Variants in SHPK observed in about 807,000 individuals in gnomAD.
The protein encoded by SHPK is sedoheptulokinase.
In SHPK, 51 loss-of-function variants were observed where a neutral mutation model predicts 46.3. The observed-to-expected ratio is 1.10, with a 90% CI of 0.88 to 1.39. SHPK has a LOEUF of 1.39. Ranked by LOEUF, SHPK falls within the 40% of genes most tolerant of loss-of-function variation. The pLI, the probability that SHPK is intolerant of heterozygous loss-of-function variation, is 0.00. For missense variants in SHPK, 668 were observed against 641.3 expected, an observed-to-expected ratio of 1.04 and a Z score of -0.45; for synonymous variants, 290 against 273.9, an observed-to-expected ratio of 1.06 and a Z score of -0.58.
chr17:3,621,899 C>T (rs1023800744), intron 4 of SHPK, among the ~76,000 whole-genome samples: 4 of 151,754 alleles, frequency 2.6e-5, no homozygotes, highest in Non-Finnish European at 5.9e-5. Flanking sequence ...ATCGTTCACC[C>T]GCTTCAGCCT....
chr17:3,631,099 G>A (rs954319026), intron 1 of SHPK, among the ~76,000 whole-genome samples: 1 of 152,120 alleles, frequency 6.6e-6, no homozygotes, highest in Non-Finnish European at 1.5e-5. Flanking sequence ...GTCAGGGGCA[G>A]CTCTTGGCTC....
In SHPK at chr17:3,610,222, A is replaced by G; in HGVS notation, c.*338T>C. 4.3e-6 allele frequency: 1 copy of G among 232,552 alleles called. No individual in the cohort carries two copies. The highest frequency in any genetic ancestry group is 8.6e-6 in the Non-Finnish European group (1 of 116,954). 14.4% of individuals were successfully genotyped at this position (232,552 alleles called of 1,614,324 possible). A position where few individuals can be genotyped will look rare whatever the true frequency, so the allele number is the denominator to read the frequency against. ...TTTCTGGTGTCTGAAGTACACATTGATCTGCTCTCTGTCTACAGGTGAACC... is the reference window on the plus strand; with the variant it reads ...TTTCTGGTGTCTGAAGTACACATTGGTCTGCTCTCTGTCTACAGGTGAACC... On this transcript the variant is annotated 3_prime_UTR_variant, in exon 7 of 7. Transcript: ENST00000225519.
At position 3,623,494 on chromosome 17, in the gene SHPK, G is replaced by GTT; in HGVS notation, c.495-5_495-4dup. The GTT allele has an allele frequency of 6.2e-7, 1 of 1,613,776 alleles. No homozygotes were observed. Among genetic ancestry groups the GTT allele is most frequent in the Non-Finnish European group, 8.5e-7 (1 of 1,179,806 alleles). ...CGTAGGACTTCAGGAACTCTGGGCTGTTTTTCATACCAAAAACAACCAACA... is the reference window on the plus strand; with the variant it reads ...CGTAGGACTTCAGGAACTCTGGGCTGTTTTTTTCATACCAAAAACAACCAACA... On this transcript the variant is annotated splice_region_variant and splice_polypyrimidine_tract_variant and intron_variant, in intron 3 of 6. Coordinates refer to ENST00000225519, the MANE Select transcript of SHPK (RefSeq NM_013276.4).
intron 2 of SHPK, among the ~76,000 whole-genome samples, chr17:3,624,906 C>T (rs1334091550): frequency 6.6e-6 from 1 of 152,162 alleles, no homozygotes; most frequent in African/African-American, 2.4e-5. Context: ...CCACCCACCT[C>T]AGCCTCCCAA....
intron 1 of SHPK, among the ~76,000 whole-genome samples, chr17:3,632,427 G>A (rs993893075): frequency 2.6e-5 from 4 of 152,156 alleles, no homozygotes; most frequent in Non-Finnish European, 5.9e-5. Flanking sequence ...GACTCCACAT[G>A]GCCATGGGGT....
At position 3,636,102 on chromosome 17, in the gene SHPK, G is replaced by A. The variant is rs371203773; in HGVS notation, c.118C>T (p.Arg40Cys). ...ACCGCCGCCTCTGCCCGCGCAGCAC[G>A]GGCACAGCTCGCCAGCACTGCGAAC... ...SGFAVLASCA[R>C]AARAEAAVES... The change falls in exon 1 of 7, where the codon CGT (arginine) becomes TGT (cysteine). Residue 40 changes from arginine to cysteine, a missense_variant. By Grantham distance (180) the Arg-to-Cys change is radical. Coordinates refer to ENST00000225519, the MANE Select transcript of SHPK (RefSeq NM_013276.4). 3.1e-5 allele frequency: 49 copies of A among 1,604,984 alleles called. No homozygotes were observed. Among genetic ancestry groups the A allele is most frequent in the Non-Finnish European group, 3.6e-5 (42 of 1,176,414 alleles).
Position 3,621,454 on chromosome 17 carries a change from G to A in SHPK, c.648-42C>T, listed in dbSNP as rs757553373. ...GACACCCACATGGACCCACAGTTAG[G>A]TTTCGGGAATTTAAGGGATCCTTCC... On this transcript the variant is annotated intron_variant, in intron 4 of 6. Transcript: ENST00000225519. 4.4e-6 allele frequency: 7 copies of A among 1,582,040 alleles called. No individual in the cohort carries two copies. The Admixed American group carries it at 5.3e-5, about 12-fold the overall frequency.
chr17:3,636,047 C>G lies in SHPK; in HGVS notation c.168+5G>C, dbSNP rs1222718874. On this transcript the variant is annotated splice_donor_5th_base_variant and intron_variant, in intron 1 of 6. Coordinates refer to ENST00000225519, the MANE Select transcript of SHPK (RefSeq NM_013276.4). ...AGGCGGCGCGGCCCCGGGGGTCCAACTCACCTGGGGCCCGGCCACCGCGCT... is the reference window on the plus strand; with the variant it reads ...AGGCGGCGCGGCCCCGGGGGTCCAAGTCACCTGGGGCCCGGCCACCGCGCT... 5.2e-6 allele frequency: 8 copies of G among 1,548,812 alleles called. No individual in the cohort carries two copies.
At chr17:3,626,007 C>T (rs991227075) in intron 2 of SHPK, among the ~76,000 whole-genome samples, 1 of 152,008 alleles carries the variant, frequency 6.6e-6, no homozygotes, top group East Asian at 1.9e-4. Context: ...GAGCTGAGAT[C>T]GCACCACTGC....
At chr17:3,616,443 C>T (rs1597568940) in intron 5 of SHPK, among the ~76,000 whole-genome samples, 1 of 152,158 alleles carries the variant, frequency 6.6e-6, no homozygotes, top group Non-Finnish European at 1.5e-5. Context: ...GCAGATCCTC[C>T]AGGCTCAATC....
intron 1 of SHPK, among the ~76,000 whole-genome samples, 166 bp from the exon 2 acceptor site, chr17:3,630,512 G>A (rs1186970306): frequency 6.6e-6 from 1 of 152,194 alleles, no homozygotes; most frequent in African/African-American, 2.4e-5. Flanking sequence ...GCCTGGGCCT[G>A]CCCTCCACTG....
In SHPK at chr17:3,608,782, T is replaced by C. The variant is rs1231657022; in HGVS notation, c.*1778A>G. The C allele has an allele frequency of 6.6e-6, 1 of 152,176 alleles. No homozygotes were observed. Among genetic ancestry groups the C allele is most frequent in the Non-Finnish European group, 1.5e-5 (1 of 68,026 alleles). The allele number at this position is 152,176 out of a possible 1,614,324, so 9.4% of individuals were successfully genotyped here. ...TTTTCTGAGGATGATCTACGAATTC[T>C]CCCCAGAGCACTTCAACCTCCCAAA... On this transcript the variant is annotated 3_prime_UTR_variant, in exon 7 of 7. Transcript: ENST00000225519.
intron 5 of SHPK, among the ~76,000 whole-genome samples, chr17:3,618,712 G>A (rs545711271): frequency 1.8e-4 from 28 of 152,058 alleles, no homozygotes; most frequent in Non-Finnish European, 3.2e-4. Flanking sequence ...CTCAGGAGGC[G>A]GAGGTTGCAG....
chr17:3,620,838 C>T lies in SHPK; in HGVS notation c.823+399G>A, dbSNP rs546915213. Reference sequence around the variant, plus strand: ...CCTCCCAAAGTGCTGGGATTACAGGCGTGAGCCACCGCGCCCAGCCTATCC... The same window carrying T: ...CCTCCCAAAGTGCTGGGATTACAGGTGTGAGCCACCGCGCCCAGCCTATCC... On this transcript the variant is annotated intron_variant, in intron 5 of 6. Transcript: ENST00000225519. Among the ~76,000 whole-genome samples the T allele has an allele frequency of 1.9e-4, 29 of 152,312 alleles. No homozygotes were observed. In the East Asian group the frequency reaches 3.3e-3, roughly 17 times the overall value.
intron 6 of SHPK, among the ~76,000 whole-genome samples, chr17:3,611,807 T>G (rs1351109489): frequency 6.1e-5 from 9 of 147,282 alleles, no homozygotes; most frequent in South Asian, 2.2e-4. Flanking sequence ...GGTTTTTTTT[T>G]TTTTTTTTTT....
At chr17:3,619,236 A>G (rs967165235) in intron 5 of SHPK, 2 of 632,626 alleles carry the variant, frequency 3.2e-6, no homozygotes, top group African/African-American at 3.7e-5. Flanking sequence ...AAGATTTTAC[A>G]TGTATTTTGG....
At chr17:3,621,543 CCCTT>C (rs143697163) in intron 4 of SHPK, 131 bp from the exon 5 acceptor site, 80,133 of 752,888 alleles carry the variant, frequency 0.11, 5,403 homozygotes, top group East Asian at 0.24. Context: ...CTCCCTCCCT[CCCTT>C]CTCTTTACTC....
At chr17:3,612,173 C>T (rs868353999) in intron 6 of SHPK, among the ~76,000 whole-genome samples, 1 of 151,774 alleles carries the variant, frequency 6.6e-6, no homozygotes, top group African/African-American at 2.4e-5. Flanking sequence ...ACGCTGTAAT[C>T]CCAGCACTTT....
chr17:3,623,286 G>A (rs1011650283), intron 4 of SHPK, 53 bp downstream of exon 4: 2 of 1,599,690 alleles, frequency 1.3e-6, no homozygotes, highest in South Asian at 1.1e-5. Context: ...TGGCTCCGGG[G>A]TTGCCCTTCA....
Sources: allele counts gnomAD v4.1 joint callset (sites outside exome capture counted in the v4.1 genomes callset), GRCh38; gene constraint gnomAD v4.1.1; transcripts MANE v1.5; gene names NCBI Gene and HGNC (gene_info 2026-07-23, HGNC 2026-07-21).